Variants in KIF27 observed in about 807,000 individuals in gnomAD.
The protein encoded by KIF27 is kinesin family member 27.
KIF27 carries 84 observed loss-of-function variants against 141.8 expected under a neutral mutation model. The ratio of observed to expected loss-of-function variants is 0.59; its 90% confidence interval spans 0.50 to 0.71. The LOEUF (loss-of-function observed/expected upper bound fraction) is 0.71. KIF27 is among the 30% of genes least tolerant of loss of function. KIF27 has a pLI of 0.00. For missense variants in KIF27, 1,306 were observed against 1,628.4 expected (o/e 0.80, Z 3.41); for synonymous variants, 471 against 569.5 (o/e 0.83, Z 2.46).
intron 4 of KIF27, 144 bp downstream of exon 4, chr9:83,902,916 A>G: frequency 1.9e-6 from 1 of 528,022 alleles, no homozygotes; most frequent in Non-Finnish European, 3.2e-6. Context: ...CACTCTTAGA[A>G]TTTACTTGCC....
chr9:83,853,591 T>C, intron 15 of KIF27, 38 bp downstream of exon 15: 1 of 1,428,062 alleles, frequency 7.0e-7, no homozygotes, highest in Non-Finnish European at 9.9e-7. Flanking sequence ...TCTTGACCCA[T>C]CTTTATAAGA....
Position 83,848,466 on chromosome 9 carries a change from ATATG to A in KIF27, c.3556+1629_3556+1632del, listed in dbSNP as rs1156360797. Among the ~76,000 whole-genome samples, 11 of 142,300 alleles carry A rather than the reference ATATG, an allele frequency of 7.7e-5. 1 individual carries two copies. The highest frequency in any genetic ancestry group is 3.6e-4 in the Admixed American group (5 of 13,970). 93.4% of individuals were successfully genotyped at this position (142,300 alleles called of 152,430 possible). On this transcript the variant is annotated intron_variant, in intron 16 of 17. Coordinates refer to ENST00000297814, the MANE Select transcript of KIF27 (RefSeq NM_017576.4). ...ATGCTATATGTATATATCTATATCT[ATATG>A]TATATATACATATAGATATGTATAT...
intron 14 of KIF27, among the ~76,000 whole-genome samples, chr9:83,854,499 G>A (rs2542787): frequency 2.0e-5 from 3 of 152,214 alleles, no homozygotes; most frequent in African/African-American, 4.8e-5. Context: ...GGGCAACGTA[G>A]TATTTTTTCA....
chr9:83,878,452 C>T (rs562437086), intron 11 of KIF27, among the ~76,000 whole-genome samples: 2 of 152,188 alleles, frequency 1.3e-5, no homozygotes, highest in East Asian at 3.9e-4. Context: ...ATTTGTATGC[C>T]AGTGTTCACT....
intron 17 of KIF27, among the ~76,000 whole-genome samples, chr9:83,839,258 T>C (rs1308574362): frequency 6.6e-6 from 1 of 152,200 alleles, no homozygotes; most frequent in Non-Finnish European, 1.5e-5. Flanking sequence ...GTCTCATTGT[T>C]GAGGCTCACT....
intron 15 of KIF27, among the ~76,000 whole-genome samples, chr9:83,853,038 G>C (rs193153155): frequency 6.6e-6 from 1 of 152,184 alleles, no homozygotes; most frequent in African/African-American, 2.4e-5. Context: ...AAGTGGAAAA[G>C]ACATTAGAGA....
intron 15 of KIF27, 27 bp downstream of exon 15, chr9:83,853,602 A>C (rs1948855084): frequency 6.5e-7 from 1 of 1,531,256 alleles, no homozygotes; most frequent in Non-Finnish European, 9.0e-7. Context: ...CTTTATAAGA[A>C]AAATATTCTG....
At chr9:83,920,342 A>T (rs1956130509) in intron 1 of KIF27, among the ~76,000 whole-genome samples, 1 of 152,264 alleles carries the variant, frequency 6.6e-6, no homozygotes, top group Admixed American at 6.5e-5. Context: ...GATCAATTAT[A>T]GTCATCAGAA....
At chr9:83,859,406 A>G (rs977398974) in intron 13 of KIF27, 35 bp from the exon 14 acceptor site, 1 of 1,452,132 alleles carries the variant, frequency 6.9e-7, no homozygotes. Flanking sequence ...CCTCAAAAAC[A>G]GTTACTAGAA....
chr9:83,880,186 A>G lies in KIF27; in HGVS notation c.2643+111T>C, dbSNP rs1468640375. Reference sequence around the variant, plus strand: ...GTGAATAAGGACAGCAGTGAAGGGCAGGTCAAGGATAGATACTTCACAAGC... The same window carrying G: ...GTGAATAAGGACAGCAGTGAAGGGCGGGTCAAGGATAGATACTTCACAAGC... On this transcript the variant is annotated intron_variant, in intron 11 of 17. Coordinates refer to ENST00000297814, the MANE Select transcript of KIF27 (RefSeq NM_017576.4). 2.0e-6 allele frequency: 3 copies of G among 1,493,220 alleles called. No homozygotes were observed. In the African/African-American group the frequency reaches 4.2e-5, roughly 21 times the overall value. The allele number at this position is 1,493,220 out of a possible 1,614,324, so 92.5% of individuals were successfully genotyped here. A position where few individuals can be genotyped will look rare whatever the true frequency, so the allele number is the denominator to read the frequency against.
At chr9:83,842,987 C>A (rs1946771507) in intron 16 of KIF27, among the ~76,000 whole-genome samples, 1 of 152,068 alleles carries the variant, frequency 6.6e-6, no homozygotes, top group Non-Finnish European at 1.5e-5. Flanking sequence ...ACCAACTAGA[C>A]CTATCCTTAG....
At chr9:83,840,290 A>C (rs1408133481) in intron 17 of KIF27, among the ~76,000 whole-genome samples, 1 of 152,112 alleles carries the variant, frequency 6.6e-6, no homozygotes, top group African/African-American at 2.4e-5. Flanking sequence ...TTTTATAGCC[A>C]AAAATAGAAG....
chr9:83,838,589 G>C (rs1269094600), intron 17 of KIF27, among the ~76,000 whole-genome samples: 1 of 152,200 alleles, frequency 6.6e-6, no homozygotes, highest in Non-Finnish European at 1.5e-5. Flanking sequence ...CAGCTCTCAA[G>C]CCAAATCTGG....
intron 16 of KIF27, among the ~76,000 whole-genome samples, chr9:83,844,868 A>G (rs1288726820): frequency 1.4e-4 from 22 of 152,232 alleles, no homozygotes; most frequent in African/African-American, 5.3e-4. Flanking sequence ...CCTACAACCA[A>G]GAAAGAGGCA....
intron 17 of KIF27, chr9:83,838,604 T>C (rs1011128424): frequency 3.9e-5 from 6 of 152,220 alleles, no homozygotes; most frequent in Admixed American, 2.0e-4. Flanking sequence ...ATCTGGCCCA[T>C]AGACATGTTT....
At chr9:83,855,975 T>C (rs1949156067) in intron 14 of KIF27, among the ~76,000 whole-genome samples, 1 of 152,218 alleles carries the variant, frequency 6.6e-6, no homozygotes, top group Non-Finnish European at 1.5e-5. Context: ...TATCAGTGTT[T>C]GCAGTTCCCT....
chr9:83,903,302 C>G lies in KIF27; in HGVS notation c.1216G>C (p.Gly406Arg), dbSNP rs753797148. The G allele has an allele frequency of 1.2e-6, 2 of 1,614,208 alleles. No individual in the cohort carries two copies. The highest frequency in any genetic ancestry group is 1.1e-5 in the South Asian group (1 of 91,090). The change falls in exon 4 of 18, where the codon GGA becomes CGA. Residue 406 changes from glycine to arginine, a missense_variant. Transcript: ENST00000297814. ...CAACACTGGTAACCCAGACATTCTC[C>G]TTGAAGCTGAGCTACTTGCTCCTCA... Reference protein sequence around the residue: ...SLEEQVAQLQGECLGYQCCVE... With the variant: ...SLEEQVAQLQRECLGYQCCVE...
At chr9:83,868,758 T>A (rs1950553295) in intron 12 of KIF27, among the ~76,000 whole-genome samples, 1 of 152,036 alleles carries the variant, frequency 6.6e-6, no homozygotes, top group Non-Finnish European at 1.5e-5. Flanking sequence ...AATGAGACAG[T>A]GAATATATAT....
intron 16 of KIF27, among the ~76,000 whole-genome samples, chr9:83,845,167 T>C (rs935488914): frequency 5.9e-5 from 9 of 152,166 alleles, no homozygotes; most frequent in African/African-American, 2.2e-4. Context: ...CTCTAGAATT[T>C]TGGAGCAAGG....
Sources: gnomAD v4.1 joint callset for allele counts (sites outside exome capture counted in the v4.1 genomes callset) on GRCh38, gnomAD v4.1.1 for gene constraint, MANE v1.5 for transcripts, NCBI Gene and HGNC (gene_info 2026-07-23, HGNC 2026-07-21) for gene names.